Variants in ST7 observed in about 807,000 individuals in gnomAD.
ST7 encodes the protein suppressor of tumorigenicity 7 protein.
Under a neutral mutation model 78.7 loss-of-function variants are expected in ST7, and 28 were observed. The observed-to-expected ratio is 0.36, with a 90% CI of 0.26 to 0.49. ST7 has a LOEUF of 0.49. ST7 is among the 20% of genes least tolerant of loss of function. The pLI, the probability that ST7 is intolerant of heterozygous loss-of-function variation, is 0.99. For missense variants in ST7, 418 were observed against 696.0 expected, an observed-to-expected ratio of 0.60 and a Z score of 4.49; for synonymous variants, 247 against 249.6, an observed-to-expected ratio of 0.99 and a Z score of 0.10.
chr7:117,023,949 A>G (rs892708374), intron 1 of ST7, among the ~76,000 whole-genome samples: 2 of 151,994 alleles, frequency 1.3e-5, no homozygotes, highest in African/African-American at 4.8e-5. Context: ...AGCTGGGACT[A>G]CAGGCATGTG....
At chr7:116,963,925 C>T (rs886675350) in intron 1 of ST7, among the ~76,000 whole-genome samples, 18 of 152,208 alleles carry the variant, frequency 1.2e-4, no homozygotes, top group Middle Eastern at 3.4e-3. Context: ...AGTTGACCTC[C>T]GCATCTAATA....
intron 1 of ST7, among the ~76,000 whole-genome samples, chr7:117,097,575 C>T (rs1190217212): frequency 4.6e-5 from 7 of 151,470 alleles, no homozygotes; most frequent in Non-Finnish European, 8.8e-5. Flanking sequence ...CCACCCACCT[C>T]GGCCTCCCAA....
chr7:117,027,305 G>T (rs1796234063), intron 1 of ST7, among the ~76,000 whole-genome samples: 1 of 152,102 alleles, frequency 6.6e-6, no homozygotes, highest in Non-Finnish European at 1.5e-5. Context: ...GCCGGGCATG[G>T]TGGCGCATGC....
Position 117,097,906 on chromosome 7 carries a change from ATATTTTT to A in ST7, c.152-1854_152-1848del, listed in dbSNP as rs1377440075. ...TATATATATATATATATATATATAT[ATATTTTT>A]TTTTTTTTTTTTTTTGATGGCCAGG... On this transcript the variant is annotated intron_variant, in intron 1 of 15. Transcript: ENST00000323984. Among the ~76,000 whole-genome samples, 120 of 30,902 alleles carry A rather than the reference ATATTTTT, an allele frequency of 3.9e-3. 2 individuals are homozygous for A. The East Asian group carries it at 0.052, about 13-fold the overall frequency. The allele number at this position is 30,902 out of a possible 152,430, so 20.3% of individuals were successfully genotyped here. A position where few individuals can be genotyped will look rare whatever the true frequency, so the allele number is the denominator to read the frequency against.
chr7:117,049,168 C>G lies in ST7; in HGVS notation c.152-50594C>G, dbSNP rs147177873. Among the ~76,000 whole-genome samples the G allele has an allele frequency of 1.8e-3, 281 of 152,284 alleles. 1 individual carries two copies. The highest frequency in any genetic ancestry group is 6.3e-3 in the African/African-American group (261 of 41,556). ...AGGTAAGGGCAGTCTAGGTCATAAA[C>G]CCAACTGCATTTGCACTGAACAGTA... On this transcript the variant is annotated intron_variant, in intron 1 of 15. Transcript: ENST00000323984.
intron 1 of ST7, among the ~76,000 whole-genome samples, chr7:117,052,666 A>C (rs1001865445): frequency 6.6e-6 from 1 of 152,196 alleles, no homozygotes; most frequent in African/African-American, 2.4e-5. Context: ...AGGCCGAGGC[A>C]GGTGGATCAC....
At chr7:117,062,398 G>A (rs1798407921) in intron 1 of ST7, among the ~76,000 whole-genome samples, 1 of 152,160 alleles carries the variant, frequency 6.6e-6, no homozygotes, top group Admixed American at 6.5e-5. Flanking sequence ...CATTCTAATT[G>A]TAGCACATGT....
chr7:117,184,593 A>C (rs1457245304), intron 10 of ST7, among the ~76,000 whole-genome samples: 1 of 152,204 alleles, frequency 6.6e-6, no homozygotes, highest in Admixed American at 6.5e-5. Context: ...TACAGAACAG[A>C]TTAGTGATCA....
intron 1 of ST7, among the ~76,000 whole-genome samples, chr7:117,077,903 T>C (rs754757379): frequency 3.6e-4 from 55 of 151,096 alleles, no homozygotes; most frequent in Admixed American, 2.0e-4. Context: ...TGGAATGTGA[T>C]ATTGATTGCT....
intron 9 of ST7, chr7:117,145,527 TAGC>T (rs1805702364): frequency 6.6e-6 from 1 of 152,254 alleles, no homozygotes; most frequent in Admixed American, 6.5e-5. Flanking sequence ...CATTCCCTTG[TAGC>T]TGCATTACCC....
chr7:117,179,699 G>A (rs1460070743), intron 10 of ST7, among the ~76,000 whole-genome samples: 1 of 152,086 alleles, frequency 6.6e-6, no homozygotes, highest in Non-Finnish European at 1.5e-5. Flanking sequence ...GTTAGCTGGG[G>A]GTGTGGGGGG....
chr7:117,181,297 G>A (rs1808743306), intron 10 of ST7, among the ~76,000 whole-genome samples: 1 of 152,168 alleles, frequency 6.6e-6, no homozygotes, highest in Admixed American at 6.5e-5. Context: ...AGGATTTAAT[G>A]TATGACTCTA....
chr7:117,193,046 G>T (rs142837747), intron 12 of ST7, among the ~76,000 whole-genome samples: 1 of 152,088 alleles, frequency 6.6e-6, no homozygotes, highest in Non-Finnish European at 1.5e-5. Flanking sequence ...CAGAATTTCC[G>T]TGGGGAACGG....
At chr7:117,070,596 A>G (rs538502583) in intron 1 of ST7, among the ~76,000 whole-genome samples, 1 of 152,244 alleles carries the variant, frequency 6.6e-6, no homozygotes, top group African/African-American at 2.4e-5. Context: ...GGCTGGATGC[A>G]GTGGCGCGAT....
In ST7 at chr7:116,989,505, C is replaced by T. The variant is rs1006428243; in HGVS notation, c.151+35814C>T. 4.0e-5 allele frequency among the ~76,000 whole-genome samples: 6 copies of T among 151,762 alleles called. No homozygotes were observed. The East Asian group carries it at 7.7e-4, about 19-fold the overall frequency. Reference sequence around the variant, plus strand: ...TTATTCCAAGGATATAACATCTTATCTCTCTGAGTTTTTTTTTTTTGTTTT... The same window carrying T: ...TTATTCCAAGGATATAACATCTTATTTCTCTGAGTTTTTTTTTTTTGTTTT... On this transcript the variant is annotated intron_variant, in intron 1 of 15. Coordinates refer to ENST00000323984, the MANE Select transcript of ST7 (RefSeq NM_001369598.1).
At chr7:117,014,061 A>G (rs754884962) in intron 1 of ST7, among the ~76,000 whole-genome samples, 2 of 152,210 alleles carry the variant, frequency 1.3e-5, no homozygotes, top group Non-Finnish European at 2.9e-5. Flanking sequence ...TACTCCAGCA[A>G]AAGCATTCTA....
intron 13 of ST7, among the ~76,000 whole-genome samples, chr7:117,217,895 G>A (rs1332099389): frequency 6.6e-6 from 1 of 151,502 alleles, no homozygotes; most frequent in Non-Finnish European, 1.5e-5. Flanking sequence ...CCAAATGCTG[G>A]AATCACATAC....
chr7:117,226,124 T>G (rs1273141586), intron 15 of ST7, among the ~76,000 whole-genome samples: 1 of 152,160 alleles, frequency 6.6e-6, no homozygotes, highest in African/African-American at 2.4e-5. Context: ...AGCCTGATAT[T>G]GATTACCGTG....
intron 1 of ST7, among the ~76,000 whole-genome samples, chr7:117,042,937 A>C (rs1264526560): frequency 1.3e-5 from 2 of 152,226 alleles, no homozygotes; most frequent in East Asian, 1.9e-4. Context: ...GTTCCACTCT[A>C]TATATATTCT....
Sources: allele counts gnomAD v4.1 joint callset (sites outside exome capture counted in the v4.1 genomes callset), GRCh38; gene constraint gnomAD v4.1.1; transcripts MANE v1.5; gene names NCBI Gene and HGNC (gene_info 2026-07-23, HGNC 2026-07-21).